Variants in TMEM163 observed in about 807,000 individuals in gnomAD.
TMEM163 encodes transmembrane protein 163.
In TMEM163, 17 loss-of-function variants were observed where a neutral mutation model predicts 29.3. The ratio of observed to expected loss-of-function variants is 0.58; its 90% CI spans 0.40 to 0.87. The LOEUF is 0.87. Among genes scored for constraint, TMEM163 ranks in the 40% least tolerant of loss-of-function variants. The pLI is 0.00. For synonymous variants in TMEM163, 157 were observed against 160.6 expected, an observed-to-expected ratio of 0.98 and a Z score of 0.17; for missense variants, 303 against 381.5, an observed-to-expected ratio of 0.79 and a Z score of 1.71.
chr2:134,521,956 G>A (rs1042714250), intron 4 of TMEM163, among the ~76,000 whole-genome samples: 1 of 152,148 alleles, frequency 6.6e-6, no homozygotes, highest in East Asian at 1.9e-4. Context: ...AACATGTAAG[G>A]TTGCCAAGCT....
chr2:134,461,728 G>A (rs1686542133), intron 6 of TMEM163, among the ~76,000 whole-genome samples: 1 of 152,204 alleles, frequency 6.6e-6, no homozygotes, highest in South Asian at 2.1e-4. Context: ...CCTCCCAGCT[G>A]TAAGGACACC....
chr2:134,596,321 T>C (rs1682082635), intron 2 of TMEM163, among the ~76,000 whole-genome samples: 1 of 152,230 alleles, frequency 6.6e-6, no homozygotes, highest in Non-Finnish European at 1.5e-5. Context: ...AGTTTCAGCT[T>C]TCTAAGTATG....
intron 4 of TMEM163, among the ~76,000 whole-genome samples, chr2:134,505,383 G>A (rs888658183): frequency 5.3e-5 from 8 of 151,916 alleles, no homozygotes; most frequent in African/African-American, 1.5e-4. Flanking sequence ...GAGAATGTCC[G>A]GCCTAGAGTC....
intron 2 of TMEM163, among the ~76,000 whole-genome samples, chr2:134,584,512 A>G (rs1241083387): frequency 6.6e-6 from 1 of 150,716 alleles, no homozygotes; most frequent in Admixed American, 6.6e-5. Flanking sequence ...CAGGTGAAAA[A>G]CCCCTCCCCA....
chr2:134,602,497 G>A (rs1682258021), intron 2 of TMEM163, among the ~76,000 whole-genome samples: 1 of 151,978 alleles, frequency 6.6e-6, no homozygotes, highest in Non-Finnish European at 1.5e-5. Context: ...TGGTGTGAGT[G>A]AGACACTCTG....
At chr2:134,633,223 A>G (rs1371682200) in intron 2 of TMEM163, among the ~76,000 whole-genome samples, 53 of 152,190 alleles carry the variant, frequency 3.5e-4, no homozygotes, top group Non-Finnish European at 4.4e-5. Flanking sequence ...CTAAAGACAG[A>G]AAGAGGCTAT....
chr2:134,649,334 C>T (rs2104846216), intron 2 of TMEM163, among the ~76,000 whole-genome samples: 1 of 152,344 alleles, frequency 6.6e-6, no homozygotes, highest in Admixed American at 6.5e-5. Context: ...TGCTCCCCTC[C>T]ATCCCTCCCA....
At chr2:134,694,473 A>T (rs1320232758) in intron 2 of TMEM163, among the ~76,000 whole-genome samples, 1 of 152,200 alleles carries the variant, frequency 6.6e-6, no homozygotes, top group Non-Finnish European at 1.5e-5. Context: ...AGGTACTGAG[A>T]TTTACTTACC....
chr2:134,540,995 T>G (rs1304199643), intron 4 of TMEM163, among the ~76,000 whole-genome samples: 2 of 152,216 alleles, frequency 1.3e-5, no homozygotes, highest in South Asian at 2.1e-4. Context: ...GATGGACAAG[T>G]CAATAGACCA....
chr2:134,588,813 A>G (rs568636386), intron 2 of TMEM163, among the ~76,000 whole-genome samples: 1 of 152,296 alleles, frequency 6.6e-6, no homozygotes, highest in African/African-American at 2.4e-5. Context: ...GAAGGGCTAC[A>G]TGGAAGGATG....
intron 2 of TMEM163, among the ~76,000 whole-genome samples, chr2:134,587,568 G>A (rs1157034329): frequency 6.6e-6 from 1 of 152,192 alleles, no homozygotes; most frequent in Admixed American, 6.5e-5. Flanking sequence ...GAAGACACAA[G>A]AGAACCCAGA....
chr2:134,674,358 T>C (rs1041201365), intron 2 of TMEM163, among the ~76,000 whole-genome samples: 8 of 149,468 alleles, frequency 5.4e-5, no homozygotes, highest in Non-Finnish European at 8.9e-5. Context: ...TTTTTTTTTT[T>C]TTTTGAGACA....
intron 4 of TMEM163, among the ~76,000 whole-genome samples, chr2:134,527,216 A>G (rs1308835999): frequency 6.6e-6 from 1 of 151,700 alleles, no homozygotes; most frequent in Non-Finnish European, 1.5e-5. Flanking sequence ...ACTTGCCCTG[A>G]CCCCTCTGCA....
chr2:134,647,290 CA>C (rs1683355303), intron 2 of TMEM163, among the ~76,000 whole-genome samples: 1 of 152,070 alleles, frequency 6.6e-6, no homozygotes, highest in Admixed American at 6.6e-5. Context: ...ACATTTATGG[CA>C]AAAAGGAAAG....
chr2:134,486,205 A>C (rs912972091), intron 5 of TMEM163, among the ~76,000 whole-genome samples: 14 of 152,220 alleles, frequency 9.2e-5, no homozygotes, highest in Admixed American at 5.2e-4. Flanking sequence ...CCTTTCATTT[A>C]AAAATAAAAC....
intron 2 of TMEM163, among the ~76,000 whole-genome samples, chr2:134,633,846 T>C (rs1683032560): frequency 6.6e-6 from 1 of 150,870 alleles, no homozygotes; most frequent in African/African-American, 2.4e-5. Context: ...CCTGCAATCC[T>C]AGCTACTCGG....
intron 4 of TMEM163, among the ~76,000 whole-genome samples, chr2:134,524,943 A>G (rs1348096453): frequency 6.6e-6 from 1 of 151,134 alleles, no homozygotes; most frequent in Non-Finnish European, 1.5e-5. Flanking sequence ...AGGAATCACC[A>G]CATTGCCTTC....
rs115694155 is a variant in TMEM163 at position 134,643,570 on chromosome 2, C to T, written c.322+69630G>A. Among the ~76,000 whole-genome samples the T allele has an allele frequency of 2.8e-3, 428 of 150,934 alleles. 4 individuals carry two copies. The highest frequency in any genetic ancestry group is 9.6e-3 in the African/African-American group (394 of 41,202). On this transcript the variant is annotated intron_variant, in intron 2 of 7. Coordinates refer to ENST00000281924, the MANE Select transcript of TMEM163 (RefSeq NM_030923.5). ...ATCAATATTCTTCATGAATATGATG[C>T]AAAAATCCTCAACAAAATACTAATA... is the stretch of plus-strand genomic sequence containing the variant.
chr2:134,482,388 T>TCC (rs1182945512), intron 5 of TMEM163, among the ~76,000 whole-genome samples: 19 of 152,156 alleles, frequency 1.2e-4, no homozygotes, highest in African/African-American at 4.3e-4. Context: ...ACCCACCCTT[T>TCC]CCCCTAAAGA....
Sources: allele counts gnomAD v4.1 joint callset (sites outside exome capture counted in the v4.1 genomes callset), GRCh38; gene constraint gnomAD v4.1.1; transcripts MANE v1.5; gene names NCBI Gene and HGNC (gene_info 2026-07-23, HGNC 2026-07-21).